Variants in DDR2 observed in about 807,000 individuals in gnomAD.
DDR2 encodes discoidin domain receptor tyrosine kinase 2.
In DDR2, 27 loss-of-function variants were observed where a neutral mutation model predicts 94.9. The observed-to-expected ratio is 0.28, with a 90% CI of 0.21 to 0.39. The LOEUF (loss-of-function observed/expected upper bound fraction) is 0.39. Ranked by LOEUF, DDR2 falls within the 10% of genes least tolerant of loss-of-function variation. DDR2 has a pLI of 1.00. For missense variants in DDR2, 783 were observed against 1,076.0 expected, an observed-to-expected ratio of 0.73 and a Z score of 3.81; for synonymous variants, 382 against 377.2, an observed-to-expected ratio of 1.01 and a Z score of -0.15.
intron 1 of DDR2, among the ~76,000 whole-genome samples, chr1:162,650,391 T>C (rs981674933): frequency 6.6e-6 from 1 of 151,874 alleles, no homozygotes; most frequent in African/African-American, 2.4e-5. Flanking sequence ...AGGTCAGGAG[T>C]TCGAGAACAG....
At chr1:162,726,807 C>T (rs1661689684) in intron 3 of DDR2, among the ~76,000 whole-genome samples, 1 of 152,004 alleles carries the variant, frequency 6.6e-6, no homozygotes, top group South Asian at 2.1e-4. Context: ...AGACAGGGAC[C>T]CTGCTTACCA....
At chr1:162,763,207 A>G (rs1203596452) in intron 9 of DDR2, among the ~76,000 whole-genome samples, 6 of 141,058 alleles carry the variant, frequency 4.3e-5, no homozygotes, top group Non-Finnish European at 7.6e-5. Flanking sequence ...TTGAGACGGT[A>G]TCTTGCTCTG....
At position 162,785,954 on chromosome 1, in the gene DDR2, A is replaced by G. The variant is rs1648131259; in HGVS notation, c.*5708A>G. The G allele has an allele frequency of 6.6e-6, 1 of 152,188 alleles. No homozygotes were observed. The highest frequency in any genetic ancestry group is 2.4e-5 in the African/African-American group (1 of 41,454). 9.4% of individuals were successfully genotyped at this position (152,188 alleles called of 1,614,324 possible). Reference sequence around the variant, plus strand: ...ATACCCAGCCTATTTGAAACAAGCTATCTAGTTTCTCCTGCAGACACCTTG... The same window carrying G: ...ATACCCAGCCTATTTGAAACAAGCTGTCTAGTTTCTCCTGCAGACACCTTG... On this transcript the variant is annotated 3_prime_UTR_variant, in exon 18 of 18. Coordinates refer to ENST00000367921, the MANE Select transcript of DDR2 (RefSeq NM_006182.4).
intron 3 of DDR2, among the ~76,000 whole-genome samples, chr1:162,751,204 C>G (rs188604388): frequency 6.6e-6 from 1 of 152,178 alleles, no homozygotes; most frequent in Admixed American, 6.5e-5. Context: ...TCAGAGTGAA[C>G]AGGCAACCTA....
chr1:162,750,944 C>T (rs575694712), intron 3 of DDR2, among the ~76,000 whole-genome samples: 55 of 152,122 alleles, frequency 3.6e-4, no homozygotes, highest in Middle Eastern at 3.4e-3. Context: ...GCTAGCCATA[C>T]GTAGAAAGCT....
At chr1:162,685,928 C>T (rs1023498132) in intron 2 of DDR2, among the ~76,000 whole-genome samples, 5 of 152,252 alleles carry the variant, frequency 3.3e-5, no homozygotes, top group African/African-American at 4.8e-5. Context: ...AGTTGAGGTA[C>T]GCACACCAGG....
At chr1:162,751,347 G>GA (rs1431990339) in intron 3 of DDR2, among the ~76,000 whole-genome samples, 2 of 152,068 alleles carry the variant, frequency 1.3e-5, no homozygotes, top group African/African-American at 4.8e-5. Flanking sequence ...AATATGAATA[G>GA]AAATGTCTCA....
chr1:162,632,998 G>A (rs146642075), intron 1 of DDR2, among the ~76,000 whole-genome samples: 179 of 152,346 alleles, frequency 1.2e-3, no homozygotes, highest in Middle Eastern at 6.8e-3. Flanking sequence ...AGGCAGAGCA[G>A]GAGAGCTAAG....
chr1:162,782,635 T>C lies in DDR2; in HGVS notation c.*2389T>C, dbSNP rs762742688. ...ATCCAGATCACACCATGACTTCTTA[T>C]AGAGCAAGAGAAAATAATATTATTA... On this transcript the variant is annotated 3_prime_UTR_variant, in exon 18 of 18. Coordinates refer to ENST00000367921, the MANE Select transcript of DDR2 (RefSeq NM_006182.4). 2.6e-5 allele frequency: 4 copies of C among 152,148 alleles called. No homozygotes were observed. The highest frequency in any genetic ancestry group is 5.9e-5 in the Non-Finnish European group (4 of 68,020). The allele number at this position is 152,148 out of a possible 1,614,324, so 9.4% of individuals were successfully genotyped here.
intron 2 of DDR2, among the ~76,000 whole-genome samples, chr1:162,663,906 C>T (rs1418521715): frequency 6.6e-6 from 1 of 152,112 alleles, no homozygotes; most frequent in Non-Finnish European, 1.5e-5. Context: ...TTTTCAAAGT[C>T]CTGGGGAAGG....
intron 2 of DDR2, among the ~76,000 whole-genome samples, chr1:162,713,258 T>A (rs188059804): frequency 1.1e-4 from 17 of 152,302 alleles, no homozygotes; most frequent in Non-Finnish European, 1.3e-4. Flanking sequence ...ATAGGACGTG[T>A]TCCCCCCACA....
chr1:162,720,946 A>T (rs906460360), intron 3 of DDR2, among the ~76,000 whole-genome samples: 1 of 152,194 alleles, frequency 6.6e-6, no homozygotes, highest in African/African-American at 2.4e-5. Flanking sequence ...ACATCCTTAA[A>T]ATCAAAGAAT....
intron 3 of DDR2, among the ~76,000 whole-genome samples, chr1:162,729,900 C>T (rs952727978): frequency 2.0e-5 from 3 of 151,760 alleles, no homozygotes; most frequent in African/African-American, 4.8e-5. Flanking sequence ...TGCACCACCA[C>T]GCCTGGCTAA....
At chr1:162,714,764 AACCTT>A (rs2102021109) in intron 2 of DDR2, among the ~76,000 whole-genome samples, 2 of 152,212 alleles carry the variant, frequency 1.3e-5, no homozygotes, top group South Asian at 4.2e-4. Flanking sequence ...TGTTGGCAGG[AACCTT>A]CTTTGCCTTT....
chr1:162,659,763 TAA>T (rs2101917535), intron 2 of DDR2, among the ~76,000 whole-genome samples: 1 of 152,300 alleles, frequency 6.6e-6, no homozygotes, highest in African/African-American at 2.4e-5. Context: ...TTGGAAAATG[TAA>T]AAATATATAT....
chr1:162,663,974 C>G (rs549012178), intron 2 of DDR2, among the ~76,000 whole-genome samples: 104 of 152,162 alleles, frequency 6.8e-4, no homozygotes, highest in Non-Finnish European at 1.3e-3. Context: ...AAAATGGAAA[C>G]CCCCTAATAG....
chr1:162,707,155 G>A (rs1198601413), intron 2 of DDR2, among the ~76,000 whole-genome samples: 1 of 152,130 alleles, frequency 6.6e-6, no homozygotes, highest in African/African-American at 2.4e-5. Context: ...CTTAGTGTCT[G>A]TATGTCCCTG....
intron 2 of DDR2, among the ~76,000 whole-genome samples, chr1:162,662,611 T>C (rs1658361313): frequency 6.6e-6 from 1 of 152,170 alleles, no homozygotes; most frequent in Non-Finnish European, 1.5e-5. Flanking sequence ...CATATGTTTA[T>C]TGCACTGAAA....
intron 17 of DDR2, among the ~76,000 whole-genome samples, chr1:162,779,058 G>T (rs1435806663): frequency 6.6e-6 from 1 of 152,016 alleles, no homozygotes; most frequent in East Asian, 1.9e-4. Flanking sequence ...TTTCTTCTGG[G>T]TCAAAAAATA....
Sources: gnomAD v4.1 joint callset for allele counts (sites outside exome capture counted in the v4.1 genomes callset) on GRCh38, gnomAD v4.1.1 for gene constraint, MANE v1.5 for transcripts, NCBI Gene and HGNC (gene_info 2026-07-23, HGNC 2026-07-21) for gene names.